The following CPLANE1 variants were observed in gnomAD, a reference collection of about 807,000 sequenced individuals.
CPLANE1 encodes ciliogenesis and planar polarity effector complex subunit 1.
Under a neutral mutation model 362.5 loss-of-function variants are expected in CPLANE1, and 263 were observed. The ratio of observed to expected loss-of-function variants is 0.73; its 90% CI spans 0.66 to 0.80. CPLANE1 has a LOEUF of 0.80. Ranked by LOEUF, CPLANE1 falls within the 30% of genes least tolerant of loss-of-function variation. The probability of loss-of-function intolerance (pLI) is 0.00; values close to 1 mark genes in which losing one functional copy is unlikely to be tolerated. For missense variants in CPLANE1, 3,461 were observed against 3,793.4 expected (o/e 0.91, Z 2.30); for synonymous variants, 1,212 against 1,302.6 (o/e 0.93, Z 1.50).
chr5:37,162,471 C>A lies in CPLANE1; in HGVS notation c.7684G>T (p.Asp2562Tyr). The A allele has an allele frequency of 6.3e-7, 1 of 1,594,998 alleles. No individual in the cohort carries two copies. Among genetic ancestry groups the A allele is most frequent in the South Asian group, 1.1e-5 (1 of 89,838 alleles). Reference protein sequence around the residue: ...IGSQDASTNTDPEHEPLTAPQ... With the variant: ...IGSQDASTNTYPEHEPLTAPQ... ...AAAGTAAAACAGCATTTACCTGGGT[C>A]TGTATTTGTACTTGCATCTTGACTT... The change falls in exon 38 of 53, where the codon GAC becomes TAC. Residue 2562 changes from aspartate (D) to tyrosine (Y), a missense_variant. Transcript: ENST00000651892.
chr5:37,112,556 C>T (rs193091261), intron 51 of CPLANE1, among the ~76,000 whole-genome samples: 27 of 152,286 alleles, frequency 1.8e-4, no homozygotes, highest in Non-Finnish European at 3.4e-4. Flanking sequence ...ACACTGGCTT[C>T]CCTCAGAAAG....
intron 16 of CPLANE1, chr5:37,211,921 T>G: frequency 1.3e-6 from 1 of 796,430 alleles, no homozygotes; most frequent in South Asian, 1.3e-5. Context: ...ATGCTTCATA[T>G]GGGCGCAGCT....
Position 37,209,589 on chromosome 5 carries a change from T to A in CPLANE1, c.2921-3164A>T. Reference sequence around the variant, plus strand: ...CTCCCTCTTAATAAGTGCCTCTAACTCTTTAGTGGCAGATCACTTACAAAG... The same window carrying A: ...CTCCCTCTTAATAAGTGCCTCTAACACTTTAGTGGCAGATCACTTACAAAG... On this transcript the variant is annotated intron_variant, in intron 16 of 52. Transcript: ENST00000651892. This position sits in a 1 kb window ranked among gnomAD's most constrained non-coding sequence, Gnocchi z 4.6. The A allele has an allele frequency of 3.6e-6, 5 of 1,398,068 alleles. No homozygotes were observed. The highest frequency in any genetic ancestry group is 5.1e-6 in the Non-Finnish European group (5 of 984,416). The allele number at this position is 1,398,068 out of a possible 1,614,324, so 86.6% of individuals were successfully genotyped here.
At chr5:37,154,459 CTTTTTTTT>C (rs35522666) in intron 41 of CPLANE1, among the ~76,000 whole-genome samples, 24 of 84,578 alleles carry the variant, frequency 2.8e-4, no homozygotes, top group African/African-American at 1.2e-3. Context: ...TGCAATAGTT[CTTTTTTTT>C]TTTTTTTTTT....
Position 37,165,542 on chromosome 5 carries a change from G to C in CPLANE1, c.7530C>G (p.Pro2510=), listed in dbSNP as rs754947806. ...NNDDSEIIKK[P]KEQQEHCGSH... Reference sequence around the variant, plus strand: ...ATCTATAGCAGTTTTTCTATACCTTGGGTTTCTTAATGATTTCTGAATCAT... The same window carrying C: ...ATCTATAGCAGTTTTTCTATACCTTCGGTTTCTTAATGATTTCTGAATCAT... Residue 2510 remains proline (P), a synonymous_variant, in exon 36 of 53, where the codon CCC becomes CCG. Transcript: ENST00000651892. 6.2e-7 allele frequency: 1 copy of C among 1,608,032 alleles called. No homozygotes were observed. Among genetic ancestry groups the C allele is most frequent in the South Asian group, 1.1e-5 (1 of 89,218 alleles).
Position 37,226,317 on chromosome 5 carries a change from G to T in CPLANE1, c.2278C>A (p.Gln760Lys), listed in dbSNP as rs762334514. 1.3e-6 allele frequency: 2 copies of T among 1,519,220 alleles called. No individual in the cohort carries two copies. The highest frequency in any genetic ancestry group is 4.9e-5 in the East Asian group (2 of 40,688). 94.1% of individuals were successfully genotyped at this position (1,519,220 alleles called of 1,614,324 possible). The change falls in exon 12 of 53, where the codon CAG (glutamine) becomes AAG (lysine). Residue 760 changes from glutamine to lysine, a missense_variant. Around this residue, in one of 2 missense-constraint regions of CPLANE1, gnomAD observed 3,380 missense variants for 3,666.1 expected, o/e 0.92. Coordinates refer to ENST00000651892, the MANE Select transcript of CPLANE1 (RefSeq NM_001384732.1). Reference sequence around the variant, plus strand: ...AAGTGATTATACCTGTGTCCTGGCTGTTGCACAGGATTTACTACTTGAGGA... The same window carrying T: ...AAGTGATTATACCTGTGTCCTGGCTTTTGCACAGGATTTACTACTTGAGGA... Reference protein sequence around the residue: ...IHPQVVNPVQQPGHRLLILWR... With the variant: ...IHPQVVNPVQKPGHRLLILWR...
Position 37,183,481 on chromosome 5 carries a change from G to A in CPLANE1, c.4700C>T (p.Pro1567Leu). The A allele has an allele frequency of 6.2e-7, 1 of 1,613,098 alleles. No homozygotes were observed. ...FLSYILERDL[P>L]YSRDADIPFL... ...TGGAATGTCAGCATCCCTGGAATAAGGTAGGTCTCTTTCAAGAATGTAACT... is the reference window on the plus strand; with the variant it reads ...TGGAATGTCAGCATCCCTGGAATAAAGTAGGTCTCTTTCAAGAATGTAACT... The change falls in exon 26 of 53, where the codon CCT becomes CTT. Residue 1567 changes from proline to leucine, a missense_variant. By Grantham distance (98) the Pro-to-Leu change is moderately conservative. Around this residue, in one of 2 missense-constraint regions of CPLANE1, gnomAD observed 3,380 missense variants for 3,666.1 expected, o/e 0.92. Transcript: ENST00000651892.
At chr5:37,238,226 G>A (rs571149202) in intron 8 of CPLANE1, among the ~76,000 whole-genome samples, 1 of 152,208 alleles carries the variant, frequency 6.6e-6, no homozygotes, top group East Asian at 1.9e-4. Flanking sequence ...AGGCTGGAGT[G>A]CAGTAGTGCG....
At chr5:37,228,825 T>C (rs888269878) in intron 9 of CPLANE1, among the ~76,000 whole-genome samples, 5 of 151,944 alleles carry the variant, frequency 3.3e-5, no homozygotes, top group Non-Finnish European at 5.9e-5. Context: ...AAAAAAGCAG[T>C]TTGGAAGGCC....
chr5:37,213,507 A>G, intron 16 of CPLANE1, 52 bp downstream of exon 16: 2 of 1,265,494 alleles, frequency 1.6e-6, no homozygotes, highest in South Asian at 3.5e-5. Context: ...TTTAAATATT[A>G]TATTATGTGC....
chr5:37,207,187 T>C (rs1791005030), intron 16 of CPLANE1, among the ~76,000 whole-genome samples: 1 of 152,206 alleles, frequency 6.6e-6, no homozygotes, highest in Admixed American at 6.5e-5. Flanking sequence ...AAAAAATACA[T>C]GTTGATGGGA....
chr5:37,215,221 G>A (rs1793713750), intron 15 of CPLANE1, among the ~76,000 whole-genome samples: 2 of 151,858 alleles, frequency 1.3e-5, no homozygotes, highest in Admixed American at 1.3e-4. Context: ...GGCTAATTTT[G>A]TATTTTTAGT....
At chr5:37,219,807 T>C (rs1386191225) in intron 15 of CPLANE1, among the ~76,000 whole-genome samples, 2 of 152,138 alleles carry the variant, frequency 1.3e-5, no homozygotes, top group African/African-American at 4.8e-5. Flanking sequence ...GCTCCGGTAA[T>C]ATATACATAT....
intron 44 of CPLANE1, chr5:37,139,802 G>T: frequency 1.1e-6 from 1 of 949,880 alleles, no homozygotes; most frequent in Non-Finnish European, 1.3e-6. Context: ...CACCTGCCTT[G>T]GCCTCCCAAA....
At chr5:37,179,016 C>T (rs981470407) in intron 29 of CPLANE1, among the ~76,000 whole-genome samples, 1 of 152,210 alleles carries the variant, frequency 6.6e-6, no homozygotes, top group Non-Finnish European at 1.5e-5. Flanking sequence ...CCGCCTCAGC[C>T]TCCCAAAGTG....
intron 42 of CPLANE1, among the ~76,000 whole-genome samples, chr5:37,151,910 C>T (rs1773666452): frequency 6.6e-6 from 1 of 151,836 alleles, no homozygotes; most frequent in South Asian, 2.1e-4. Context: ...GGAAAACCAC[C>T]AAATAAGCAT....
Position 37,224,277 on chromosome 5 carries a change from CT to C in CPLANE1, c.2556del (p.Ala853LeufsTer34). 1 of 1,549,212 alleles carries C rather than the reference CT, an allele frequency of 6.5e-7. No homozygotes were observed. On this transcript the variant is annotated frameshift_variant, in exon 14 of 53. Transcript: ENST00000651892. ...SYEKSVQLWK[K>X]ALQEIEEKGG... ...CCTTTCTCTTCGATTTCTTGTAGAGCTTTTTTCCACAGCTGAACAGACTTTT... is the reference window on the plus strand; with the variant it reads ...CCTTTCTCTTCGATTTCTTGTAGAGCTTTTTCCACAGCTGAACAGACTTTT...
intron 38 of CPLANE1, among the ~76,000 whole-genome samples, chr5:37,161,199 G>C (rs1394947468): frequency 6.6e-6 from 1 of 152,152 alleles, no homozygotes; most frequent in Non-Finnish European, 1.5e-5. Context: ...AAAGTGAAAT[G>C]AACAGGATAG....
chr5:37,163,794 A>T (rs898933176), intron 37 of CPLANE1, among the ~76,000 whole-genome samples: 10 of 152,156 alleles, frequency 6.6e-5, no homozygotes, highest in Admixed American at 2.6e-4. Context: ...ACATGATGAG[A>T]GGGTTAGAAC....
Sources: allele counts gnomAD v4.1 joint callset (sites outside exome capture counted in the v4.1 genomes callset), GRCh38; gene constraint gnomAD v4.1.1; regional missense constraint gnomAD v4.1.1; non-coding constraint Gnocchi (gnomAD v3.1); transcripts MANE v1.5; gene names NCBI Gene and HGNC (gene_info 2026-07-23, HGNC 2026-07-21).